The following ASTN2 variants were observed in gnomAD, a reference collection of about 807,000 sequenced individuals.
ASTN2 encodes astrotactin 2, also known as astrotactin-2.
Under a neutral mutation model 139.8 loss-of-function variants are expected in ASTN2, and 54 were observed. That is an observed-to-expected ratio of 0.39 (90% CI 0.31 to 0.48). The LOEUF (loss-of-function observed/expected upper bound fraction) is 0.48. Ranked by LOEUF, ASTN2 falls within the 20% of genes least tolerant of loss-of-function variation. The probability of loss-of-function intolerance (pLI) is 0.95; values close to 1 mark genes in which losing one functional copy is unlikely to be tolerated. For synonymous variants in ASTN2, 756 were observed against 719.5 expected, an observed-to-expected ratio of 1.05 and a Z score of -0.81; for missense variants, 1,565 against 1,725.1, an observed-to-expected ratio of 0.91 and a Z score of 1.64.
In ASTN2 at chr9:116,698,986, A is replaced by T; in HGVS notation, c.2806+26785T>A. The T allele has an allele frequency of 1.9e-6, 3 of 1,614,144 alleles. No homozygotes were observed. Among genetic ancestry groups the T allele is most frequent in the Non-Finnish European group, 2.5e-6 (3 of 1,180,014 alleles). The stretch of plus-strand genomic sequence containing the variant: ...ATCCGCCGCAGCCCCAGTGGCATTG[A>T]TAGCTTTGTGCTAAGCTTCCTTGGG... On this transcript the variant is annotated intron_variant, in intron 16 of 22. Transcript: ENST00000313400. The surrounding 1 kb of genome is among the most constrained non-coding windows in gnomAD (Gnocchi z 4.4).
chr9:116,502,824 T>G (rs36201628), intron 19 of ASTN2, among the ~76,000 whole-genome samples: 98,381 of 123,508 alleles, frequency 0.8, 39,136 homozygotes, highest in Admixed American at 0.82. Context: ...AAGAAGAGAA[T>G]GAAGGAGGGA....
rs753366913 is a variant in ASTN2 at position 116,725,787 on chromosome 9, C to G, written c.2790G>C (p.Trp930Cys). The G allele has an allele frequency of 2.5e-6, 4 of 1,613,338 alleles. No homozygotes were observed. The highest frequency in any genetic ancestry group is 2.5e-6 in the Non-Finnish European group (3 of 1,179,872). The change falls in exon 16 of 23, where the codon TGG (tryptophan) becomes TGC (cysteine). Residue 930 changes from tryptophan to cysteine, a missense_variant. Physicochemically the swap from Trp to Cys is radical, Grantham distance 215. Transcript: ENST00000313400. ...CGGGCTTACCTTTCTGATACTGGAGCCACAGCTGCTGCTGGACCTTCTTGC... is the reference window on the plus strand; with the variant it reads ...CGGGCTTACCTTTCTGATACTGGAGGCACAGCTGCTGCTGGACCTTCTTGC... ...FPSKKVQQQL[W>C]LQYQKETTEL...
intron 2 of ASTN2, among the ~76,000 whole-genome samples, chr9:117,234,807 G>T (rs1832997103): frequency 6.6e-6 from 1 of 152,130 alleles, no homozygotes; most frequent in South Asian, 2.1e-4. Flanking sequence ...CTAGAACCTG[G>T]CCCCTTGGTG....
chr9:117,167,880 T>C lies in ASTN2; in HGVS notation c.1016-26402A>G, dbSNP rs537883216. 5.3e-5 allele frequency among the ~76,000 whole-genome samples: 8 copies of C among 152,262 alleles called. No homozygotes were observed. The East Asian group carries it at 9.7e-4, about 18-fold the overall frequency. On this transcript the variant is annotated intron_variant, in intron 3 of 22. Coordinates refer to ENST00000313400, the MANE Select transcript of ASTN2 (RefSeq NM_001365068.1). The stretch of plus-strand genomic sequence containing the variant: ...AGTAAAGAATATCCAAGGTAACATA[T>C]GGCTTGACTTTTAGCCTAAGAGCAA...
chr9:116,945,251 A>G (rs995056895), intron 10 of ASTN2, among the ~76,000 whole-genome samples: 1 of 152,186 alleles, frequency 6.6e-6, no homozygotes, highest in African/African-American at 2.4e-5. Flanking sequence ...AACTCTCACA[A>G]ATCACTGGGA....
At chr9:116,499,124 CTT>C (rs1849769314) in intron 19 of ASTN2, among the ~76,000 whole-genome samples, 1 of 152,178 alleles carries the variant, frequency 6.6e-6, no homozygotes, top group Non-Finnish European at 1.5e-5. Context: ...CCAGAGAACT[CTT>C]GATTTTATTC....
chr9:116,750,345 T>C (rs1263195884), intron 13 of ASTN2, among the ~76,000 whole-genome samples: 1 of 152,162 alleles, frequency 6.6e-6, no homozygotes, highest in Non-Finnish European at 1.5e-5. Context: ...AATCAGAACA[T>C]ATGGCATAAA....
intron 19 of ASTN2, among the ~76,000 whole-genome samples, chr9:116,614,062 A>G (rs1029679216): frequency 1.3e-5 from 2 of 152,188 alleles, no homozygotes; most frequent in Admixed American, 1.3e-4. Flanking sequence ...AAAAATCACA[A>G]GCATTCCTAT....
intron 1 of ASTN2, among the ~76,000 whole-genome samples, chr9:117,294,303 A>T (rs963144921): frequency 2.0e-5 from 3 of 152,268 alleles, no homozygotes; most frequent in Non-Finnish European, 2.9e-5. Flanking sequence ...CAATCAGCAG[A>T]CAGTAAACGT....
intron 5 of ASTN2, among the ~76,000 whole-genome samples, chr9:117,063,591 C>A (rs1347273855): frequency 6.6e-6 from 1 of 152,146 alleles, no homozygotes; most frequent in Non-Finnish European, 1.5e-5. Flanking sequence ...GTATAAATTA[C>A]CAAGTCTAGG....
chr9:116,567,483 C>T (rs1331763421), intron 19 of ASTN2, among the ~76,000 whole-genome samples: 2 of 152,176 alleles, frequency 1.3e-5, no homozygotes, highest in African/African-American at 4.8e-5. Flanking sequence ...GGACATGCAG[C>T]TTCTCCCTGG....
intron 1 of ASTN2, among the ~76,000 whole-genome samples, chr9:117,339,251 A>G (rs1800277832): frequency 6.6e-6 from 1 of 152,184 alleles, no homozygotes; most frequent in African/African-American, 2.4e-5. Context: ...ACAACTATCA[A>G]GTGGCAGAAT....
chr9:117,119,990 A>ATGTGTGTGTGTGTGTGTGTGTG (rs752111718), intron 4 of ASTN2, among the ~76,000 whole-genome samples: 1 of 73,250 alleles, frequency 1.4e-5, no homozygotes. Context: ...ATATATTTGT[A>ATGTGTGTGTGTGTGTGTGTGTG]TGTGTGTGTG....
intron 2 of ASTN2, among the ~76,000 whole-genome samples, chr9:117,277,955 T>C (rs767542363): frequency 2.0e-5 from 3 of 152,222 alleles, no homozygotes; most frequent in Non-Finnish European, 2.9e-5. Context: ...GTGGAAAACA[T>C]AGACACAAAA....
intron 19 of ASTN2, among the ~76,000 whole-genome samples, chr9:116,498,622 T>C (rs1259450376): frequency 6.6e-6 from 1 of 151,652 alleles, no homozygotes; most frequent in Non-Finnish European, 1.5e-5. Flanking sequence ...AGGATGTCAG[T>C]ATCTACTCTA....
At chr9:117,409,963 G>T (rs1288521784) in intron 1 of ASTN2, among the ~76,000 whole-genome samples, 1 of 152,146 alleles carries the variant, frequency 6.6e-6, no homozygotes, top group East Asian at 1.9e-4. Context: ...CTTGCATAAA[G>T]CAGCCTTTGG....
intron 20 of ASTN2, among the ~76,000 whole-genome samples, chr9:116,457,565 A>T (rs1156231805): frequency 6.6e-6 from 1 of 152,184 alleles, no homozygotes; most frequent in Non-Finnish European, 1.5e-5. Context: ...TTCTCAAAAG[A>T]AGACATACAA....
chr9:116,655,641 C>A (rs1564185895), intron 16 of ASTN2, among the ~76,000 whole-genome samples: 2 of 152,246 alleles, frequency 1.3e-5, no homozygotes, highest in East Asian at 3.9e-4. Context: ...AGTTCAAGTG[C>A]CCATTCCTCA....
At chr9:116,979,344 C>G (rs753358224) in intron 7 of ASTN2, among the ~76,000 whole-genome samples, 8 of 152,068 alleles carry the variant, frequency 5.3e-5, no homozygotes, top group Non-Finnish European at 8.8e-5. Flanking sequence ...GGCTTGCTCA[C>G]AGGTAGGAAT....
Sources: gnomAD v4.1 joint callset for allele counts (sites outside exome capture counted in the v4.1 genomes callset) on GRCh38, gnomAD v4.1.1 for gene constraint, Gnocchi (gnomAD v3.1) non-coding constraint, MANE v1.5 for transcripts, NCBI Gene and HGNC (gene_info 2026-07-23, HGNC 2026-07-21) for gene names.